Variants in GRIA1 observed in about 807,000 individuals in gnomAD.
The protein encoded by GRIA1 is glutamate ionotropic receptor AMPA type subunit 1, also known as glutamate receptor 1.
Under a neutral mutation model 99.2 loss-of-function variants are expected in GRIA1, and 31 were observed. The observed-to-expected ratio is 0.31, with a 90% CI of 0.23 to 0.42. The LOEUF (loss-of-function observed/expected upper bound fraction) is 0.42, where lower values mean the gene tolerates loss of function less well. GRIA1 is among the 10% of genes least tolerant of loss of function. The probability of loss-of-function intolerance (pLI) is 1.00; values close to 1 mark genes in which losing one functional copy is unlikely to be tolerated. For synonymous variants in GRIA1, 438 were observed against 432.4 expected, an observed-to-expected ratio of 1.01 and a Z score of -0.16; for missense variants, 782 against 1,157.5, an observed-to-expected ratio of 0.68 and a Z score of 4.71.
intron 11 of GRIA1, among the ~76,000 whole-genome samples, chr5:153,748,837 C>A (rs918725116): frequency 3.9e-5 from 6 of 152,042 alleles, no homozygotes; most frequent in African/African-American, 9.7e-5. Context: ...TGTGAGGGTT[C>A]ATTGAGAATT....
chr5:153,578,833 G>A lies in GRIA1; in HGVS notation c.221-68095G>A, dbSNP rs372262435. ...TGAGGCAGGAGAATTGCTTGAACCC[G>A]CCAGGTGGAGATTGCAGTGAGCCGA... On this transcript the variant is annotated intron_variant, in intron 2 of 15. Coordinates refer to ENST00000285900, the MANE Select transcript of GRIA1 (RefSeq NM_000827.4). Among the ~76,000 whole-genome samples, 77 of 152,202 alleles carry A rather than the reference G, an allele frequency of 5.1e-4. No homozygotes were observed. The East Asian group carries it at 0.01, about 21-fold the overall frequency.
intron 14 of GRIA1, among the ~76,000 whole-genome samples, chr5:153,800,457 A>C (rs1019009054): frequency 6.6e-6 from 1 of 152,100 alleles, no homozygotes; most frequent in Non-Finnish European, 1.5e-5. Context: ...CAAGCACTGA[A>C]CTCATTTTTT....
intron 5 of GRIA1, among the ~76,000 whole-genome samples, chr5:153,657,246 T>C (rs1221241784): frequency 1.3e-5 from 2 of 152,214 alleles, no homozygotes; most frequent in African/African-American, 4.8e-5. Flanking sequence ...TGTTTAACAT[T>C]TTGAGGAACT....
chr5:153,755,284 T>C (rs1194889343), intron 11 of GRIA1: 2 of 152,226 alleles, frequency 1.3e-5, no homozygotes, highest in Non-Finnish European at 2.9e-5. Flanking sequence ...GGCTACCTTG[T>C]ACAGGTGGCC....
In GRIA1 at chr5:153,611,235, A is replaced by G. The variant is rs117212831; in HGVS notation, c.221-35693A>G. On this transcript the variant is annotated intron_variant, in intron 2 of 15. Coordinates refer to ENST00000285900, the MANE Select transcript of GRIA1 (RefSeq NM_000827.4). ...TTAAATATATGGAGCCAATTATTAA[A>G]TATTCATAAATTTTGCAAACTGATT... Among the ~76,000 whole-genome samples the G allele has an allele frequency of 6.4e-4, 97 of 152,340 alleles. 1 individual carries two copies. In the East Asian group the frequency reaches 0.018, roughly 28 times the overall value.
At chr5:153,600,845 T>C (rs1764889313) in intron 2 of GRIA1, among the ~76,000 whole-genome samples, 1 of 152,216 alleles carries the variant, frequency 6.6e-6, no homozygotes, top group African/African-American at 2.4e-5. Flanking sequence ...GGTGAAGCCT[T>C]CTGTTTATTT....
intron 11 of GRIA1, among the ~76,000 whole-genome samples, chr5:153,714,391 G>T (rs1397480247): frequency 6.6e-6 from 1 of 152,034 alleles, no homozygotes; most frequent in Non-Finnish European, 1.5e-5. Flanking sequence ...CTCCATTTTT[G>T]ATTCCAAGCA....
intron 2 of GRIA1, among the ~76,000 whole-genome samples, chr5:153,525,884 C>G (rs1757547760): frequency 6.6e-6 from 1 of 152,182 alleles, no homozygotes; most frequent in African/African-American, 2.4e-5. Context: ...GGGTATACAA[C>G]TGGCACTTTG....
At chr5:153,723,070 T>C (rs1760195970) in intron 11 of GRIA1, among the ~76,000 whole-genome samples, 1 of 152,184 alleles carries the variant, frequency 6.6e-6, no homozygotes, top group South Asian at 2.1e-4. Context: ...GGATTAATTA[T>C]CTTTCATTTA....
intron 2 of GRIA1, among the ~76,000 whole-genome samples, chr5:153,542,963 C>T (rs915079808): frequency 6.6e-6 from 1 of 152,234 alleles, no homozygotes; most frequent in Admixed American, 6.5e-5. Context: ...GTTTGGCTGT[C>T]ATCTAGCTAT....
chr5:153,792,796 GA>G (rs1467501897), intron 13 of GRIA1, among the ~76,000 whole-genome samples: 3 of 151,316 alleles, frequency 2.0e-5, no homozygotes, highest in Non-Finnish European at 4.4e-5. Flanking sequence ...GAGAAAGACA[GA>G]GAGAGAGAGA....
chr5:153,748,062 C>T (rs575403889), intron 11 of GRIA1, among the ~76,000 whole-genome samples: 13 of 152,270 alleles, frequency 8.5e-5, no homozygotes, highest in Middle Eastern at 3.4e-3. Context: ...ATAAGACCCC[C>T]GCCCTCGCTG....
chr5:153,586,164 T>A (rs1763470276), intron 2 of GRIA1, among the ~76,000 whole-genome samples: 1 of 152,226 alleles, frequency 6.6e-6, no homozygotes, highest in Non-Finnish European at 1.5e-5. Flanking sequence ...ATTATCATAT[T>A]TATTTGTTTA....
intron 2 of GRIA1, among the ~76,000 whole-genome samples, chr5:153,497,126 T>C (rs774561961): frequency 2.6e-5 from 4 of 152,162 alleles, no homozygotes; most frequent in African/African-American, 4.8e-5. Flanking sequence ...TGGTGCCTTC[T>C]TCGTGTTCAA....
intron 2 of GRIA1, among the ~76,000 whole-genome samples, chr5:153,595,210 A>G (rs759825951): frequency 3.4e-4 from 52 of 152,202 alleles, no homozygotes; most frequent in Middle Eastern, 6.3e-3. Context: ...CATCACATGC[A>G]TCAGACACAG....
chr5:153,692,388 A>G (rs1757825866), intron 8 of GRIA1, among the ~76,000 whole-genome samples: 1 of 152,256 alleles, frequency 6.6e-6, no homozygotes, highest in Non-Finnish European at 1.5e-5. Context: ...ACAGCCCATG[A>G]GCTAATGGTT....
intron 11 of GRIA1, among the ~76,000 whole-genome samples, chr5:153,710,572 G>A (rs1009860979): frequency 2.6e-5 from 4 of 152,172 alleles, no homozygotes; most frequent in Non-Finnish European, 5.9e-5. Flanking sequence ...GTATGTTAAA[G>A]AAGGAATAAA....
At position 153,705,586 on chromosome 5, in the gene GRIA1, A is replaced by T; in HGVS notation, c.1453-111A>T. ...TTCAAAGGTTCTTTCCCACTCTCAT[A>T]TCCTTTAAGACACAAAAGAATAGTC... On this transcript the variant is annotated intron_variant, in intron 10 of 15. Transcript: ENST00000285900. The T allele has an allele frequency of 4.4e-6, 6 of 1,364,046 alleles. No individual in the cohort carries two copies. The South Asian group carries it at 8.3e-5, about 19-fold the overall frequency. 84.5% of individuals were successfully genotyped at this position (1,364,046 alleles called of 1,614,324 possible).
chr5:153,782,694 T>C (rs1391065547), intron 13 of GRIA1, among the ~76,000 whole-genome samples: 2 of 152,084 alleles, frequency 1.3e-5, no homozygotes, highest in Non-Finnish European at 2.9e-5. Flanking sequence ...ATCCCCAGGG[T>C]GAAAGCTCTA....
Sources: gnomAD v4.1 joint callset for allele counts (sites outside exome capture counted in the v4.1 genomes callset) on GRCh38, gnomAD v4.1.1 for gene constraint, MANE v1.5 for transcripts, NCBI Gene and HGNC (gene_info 2026-07-23, HGNC 2026-07-21) for gene names.